The following AGFG1 variants were observed in gnomAD, a reference collection of about 807,000 sequenced individuals.
AGFG1 encodes arf-GAP domain and FG repeat-containing protein 1.
A neutral mutation model predicts 60.6 loss-of-function variants in AGFG1; 10 were observed. That is an observed-to-expected ratio of 0.16 (90% CI 0.10 to 0.28). AGFG1 has a LOEUF of 0.28. AGFG1 is among the 10% of genes least tolerant of loss of function. AGFG1 has a pLI of 1.00. For synonymous variants in AGFG1, 247 were observed against 242.9 expected (o/e 1.02, Z -0.16); for missense variants, 537 against 676.5 (o/e 0.79, Z 2.29).
chr2:227,520,165 G>A (rs1691783447), intron 3 of AGFG1, 102 bp downstream of exon 3: 1 of 683,076 alleles, frequency 1.5e-6, no homozygotes, highest in East Asian at 3.2e-5. Flanking sequence ...CAGACAGTGA[G>A]AACTAGATAG....
At chr2:227,554,203 A>G (rs1692902819) in intron 12 of AGFG1, among the ~76,000 whole-genome samples, 1 of 152,220 alleles carries the variant, frequency 6.6e-6, no homozygotes, top group Non-Finnish European at 1.5e-5. Flanking sequence ...TTCTTCTTAG[A>G]ATCTATTACA....
chr2:227,531,542 G>A (rs1289059553), intron 6 of AGFG1, among the ~76,000 whole-genome samples: 1 of 113,788 alleles, frequency 8.8e-6, no homozygotes, highest in Non-Finnish European at 1.8e-5. Context: ...TTTTTTTTTG[G>A]CAATCCTCCT....
In AGFG1 at chr2:227,537,719, G is replaced by A. The variant is rs191401270; in HGVS notation, c.1378+726G>A. Among the ~76,000 whole-genome samples, 84 of 152,224 alleles carry A rather than the reference G, an allele frequency of 5.5e-4. 1 individual carries two copies. Among genetic ancestry groups the A allele is most frequent in the Non-Finnish European group, 1.1e-3 (77 of 68,000 alleles). ...CAGCAGGTGCATTTGGTATGGCTGG[G>A]TATCCATTAAATCTAGAGTTTGTAT... On this transcript the variant is annotated intron_variant, in intron 10 of 12. Coordinates refer to ENST00000310078, the MANE Select transcript of AGFG1 (RefSeq NM_004504.5).
intron 1 of AGFG1, among the ~76,000 whole-genome samples, chr2:227,490,916 A>AT (rs1280797729): frequency 6.6e-6 from 1 of 152,150 alleles, no homozygotes; most frequent in African/African-American, 2.4e-5. Context: ...GCATGCAGCA[A>AT]TTTTTTTGAA....
At chr2:227,508,967 G>T (rs4485561) in intron 2 of AGFG1, among the ~76,000 whole-genome samples, 81,744 of 151,860 alleles carry the variant, frequency 0.54, 22,458 homozygotes, top group South Asian at 0.69. Context: ...AAATTAACTA[G>T]AATGTTACCT....
intron 6 of AGFG1, chr2:227,532,113 A>G: frequency 6.6e-7 from 1 of 1,516,202 alleles, no homozygotes; most frequent in Non-Finnish European, 8.9e-7. Flanking sequence ...AACTTTCATC[A>G]TTTACATAAT....
At chr2:227,485,300 GA>G (rs1398747087) in intron 1 of AGFG1, among the ~76,000 whole-genome samples, 1 of 141,798 alleles carries the variant, frequency 7.1e-6, no homozygotes, top group Non-Finnish European at 1.5e-5. Context: ...GCAATGGCGT[GA>G]TCTTAGCTCA....
intron 10 of AGFG1, among the ~76,000 whole-genome samples, chr2:227,547,817 A>G (rs1263212436): frequency 6.6e-6 from 1 of 152,210 alleles, no homozygotes; most frequent in Non-Finnish European, 1.5e-5. Flanking sequence ...GTTACCATAT[A>G]ACCTAACAGA....
chr2:227,529,383 C>T (rs536945735), intron 5 of AGFG1, among the ~76,000 whole-genome samples: 5 of 152,052 alleles, frequency 3.3e-5, no homozygotes, highest in African/African-American at 7.2e-5. Flanking sequence ...CAGTTTGATA[C>T]GACTGATGGA....
At chr2:227,505,804 T>C (rs1186613572) in intron 2 of AGFG1, among the ~76,000 whole-genome samples, 5 of 152,072 alleles carry the variant, frequency 3.3e-5, no homozygotes, top group African/African-American at 1.2e-4. Flanking sequence ...AGTGGCACAA[T>C]CTTGGCTCAG....
chr2:227,473,491 A>T (rs4675198), intron 1 of AGFG1, among the ~76,000 whole-genome samples: 91,356 of 151,964 alleles, frequency 0.6, 27,493 homozygotes, highest in South Asian at 0.7. Flanking sequence ...CCATGATTTC[A>T]GAAAGACACT....
At chr2:227,507,551 C>T (rs944582133) in intron 2 of AGFG1, among the ~76,000 whole-genome samples, 105 of 126,736 alleles carry the variant, frequency 8.3e-4, no homozygotes, top group African/African-American at 3.0e-3. Flanking sequence ...TGCAGTGAGC[C>T]GAGATGGCGC....
chr2:227,508,177 A>T (rs1269037748), intron 2 of AGFG1: 2 of 153,700 alleles, frequency 1.3e-5, no homozygotes, highest in Non-Finnish European at 2.9e-5. Flanking sequence ...CAATGACTAC[A>T]TTCTAAACCT....
At position 227,513,687 on chromosome 2, in the gene AGFG1, GCCAT is replaced by G. The variant is rs1395131290; in HGVS notation, c.262-6256_262-6253del. Among the ~76,000 whole-genome samples, 3 of 152,262 alleles carry G rather than the reference GCCAT, an allele frequency of 2.0e-5. No individual in the cohort carries two copies. The East Asian group carries it at 5.8e-4, about 29-fold the overall frequency. On this transcript the variant is annotated intron_variant, in intron 2 of 12. Coordinates refer to ENST00000310078, the MANE Select transcript of AGFG1 (RefSeq NM_004504.5). ...CCTTCAAATTATCCAAATTGACTGTGCCATCCATTTCTATAGTAACTGACTGATA... is the reference window on the plus strand; with the variant it reads ...CCTTCAAATTATCCAAATTGACTGTGCCATTTCTATAGTAACTGACTGATA...
intron 4 of AGFG1, 44 bp from the exon 5 acceptor site, chr2:227,524,718 C>T (rs1275507826): frequency 6.3e-7 from 1 of 1,598,454 alleles, no homozygotes; most frequent in Non-Finnish European, 8.6e-7. Context: ...AAAGATTTTG[C>T]AGATCCGACT....
In AGFG1 at chr2:227,533,607, C is replaced by A; in HGVS notation, c.873C>A (p.Ser291=). 6.2e-7 allele frequency: 1 copy of A among 1,613,782 alleles called. No individual in the cohort carries two copies. Among genetic ancestry groups the A allele is most frequent in the Non-Finnish European group, 8.5e-7 (1 of 1,179,798 alleles). ...CTCATTTTGATAACTTCCCCAAATC[C>A]TCCAGTGCTGATTTTGGAACCTTCA... The part of the protein sequence containing the change: ...NFAHFDNFPK[S]SSADFGTFNT... Residue 291 remains serine (S), a synonymous_variant, in exon 7 of 13, where the codon TCC becomes TCA. Transcript: ENST00000310078.
chr2:227,535,401 A>G (rs1011796733), intron 8 of AGFG1, among the ~76,000 whole-genome samples: 2 of 152,350 alleles, frequency 1.3e-5, no homozygotes, highest in Admixed American at 1.3e-4. Context: ...GTCCCATATT[A>G]TAGGCTTAGT....
intron 1 of AGFG1, among the ~76,000 whole-genome samples, chr2:227,486,337 G>A (rs1690637930): frequency 6.6e-6 from 1 of 152,042 alleles, no homozygotes; most frequent in Non-Finnish European, 1.5e-5. Context: ...TTTTCGGGGG[G>A]TAATTTATGG....
At chr2:227,549,555 C>T (rs959101072) in intron 10 of AGFG1, among the ~76,000 whole-genome samples, 5 of 151,942 alleles carry the variant, frequency 3.3e-5, no homozygotes, top group Admixed American at 2.0e-4. Context: ...ATAATTTTTC[C>T]CTTGTAATAC....
Sources: gnomAD v4.1 joint callset for allele counts (sites outside exome capture counted in the v4.1 genomes callset) on GRCh38, gnomAD v4.1.1 for gene constraint, MANE v1.5 for transcripts, NCBI Gene and HGNC (gene_info 2026-07-23, HGNC 2026-07-21) for gene names.